MEOX2: variants seen among roughly 807,000 people sequenced by gnomAD.
The protein encoded by MEOX2 is homeobox protein MOX-2.
In MEOX2, 11 loss-of-function variants were observed where a neutral mutation model predicts 27.0. That is an observed-to-expected ratio of 0.41 (90% CI 0.26 to 0.68). MEOX2 has a LOEUF of 0.68. MEOX2 is among the 30% of genes least tolerant of loss of function. The pLI is 0.33. For synonymous variants in MEOX2, 189 were observed against 155.4 expected (o/e 1.22, Z -1.61); for missense variants, 436 against 385.4 (o/e 1.13, Z -1.10).
intron 1 of MEOX2, among the ~76,000 whole-genome samples, chr7:15,630,431 T>C (rs1781383119): frequency 6.6e-6 from 1 of 152,074 alleles, no homozygotes; most frequent in Non-Finnish European, 1.5e-5. Context: ...AGAGTGCTAT[T>C]TAGCAAAAGA....
intron 1 of MEOX2, among the ~76,000 whole-genome samples, chr7:15,667,789 GAAAGTTTTTAC>G (rs1305018682): frequency 2.0e-5 from 3 of 152,162 alleles, no homozygotes; most frequent in African/African-American, 7.2e-5. Flanking sequence ...TGTAAAAGGA[GAAAGTTTTTAC>G]AAGGTATTAG....
At chr7:15,664,870 C>T (rs1781974724) in intron 1 of MEOX2, among the ~76,000 whole-genome samples, 1 of 152,272 alleles carries the variant, frequency 6.6e-6, no homozygotes. Flanking sequence ...CCCACCACTC[C>T]TTCTGTTGCA....
chr7:15,651,906 T>A (rs1335622234), intron 1 of MEOX2, among the ~76,000 whole-genome samples: 1 of 152,036 alleles, frequency 6.6e-6, no homozygotes, highest in African/African-American at 2.4e-5. Flanking sequence ...CTGACATGAT[T>A]ACTTAGTAAT....
At chr7:15,671,660 G>C (rs1361720679) in intron 1 of MEOX2, among the ~76,000 whole-genome samples, 2 of 152,128 alleles carry the variant, frequency 1.3e-5, no homozygotes, top group African/African-American at 2.4e-5. Flanking sequence ...TGGTTAACCA[G>C]TCATACTCAA....
intron 2 of MEOX2, among the ~76,000 whole-genome samples, chr7:15,618,244 AT>A (rs906407275): frequency 1.3e-5 from 2 of 152,094 alleles, no homozygotes; most frequent in African/African-American, 4.8e-5. Flanking sequence ...GAGATAAAAA[AT>A]AGACACACCT....
At chr7:15,636,561 A>G (rs1781481008) in intron 1 of MEOX2, among the ~76,000 whole-genome samples, 1 of 152,042 alleles carries the variant, frequency 6.6e-6, no homozygotes, top group Non-Finnish European at 1.5e-5. Flanking sequence ...TCTGCATTAT[A>G]ATCAAATTGT....
intron 2 of MEOX2, among the ~76,000 whole-genome samples, chr7:15,619,539 A>T (rs1245440399): frequency 6.6e-6 from 1 of 152,030 alleles, no homozygotes; most frequent in Non-Finnish European, 1.5e-5. Context: ...CAAGAATCAG[A>T]GGAGCAAATT....
chr7:15,655,590 A>G (rs527868350), intron 1 of MEOX2, among the ~76,000 whole-genome samples: 1 of 151,746 alleles, frequency 6.6e-6, no homozygotes, highest in Non-Finnish European at 1.5e-5. Flanking sequence ...TTGCAGATCA[A>G]TGTATTTTTT....
chr7:15,648,352 C>T (rs2115375256), intron 1 of MEOX2, among the ~76,000 whole-genome samples: 2 of 152,042 alleles, frequency 1.3e-5, no homozygotes, highest in East Asian at 3.9e-4. Flanking sequence ...AAAATTGTAA[C>T]CAACTATACA....
rs1224204206 is a variant in MEOX2 at position 15,665,405 on chromosome 7, T to C, written c.517+20481A>G. ...GAATTCAAGTAAGATGTCTGTTATT[T>C]AGAAAGAGAATACAAGAAAACCCTG... On this transcript the variant is annotated intron_variant, in intron 1 of 2. Transcript: ENST00000262041. Among the ~76,000 whole-genome samples the C allele has an allele frequency of 3.3e-5, 5 of 152,314 alleles. No homozygotes were observed. In the East Asian group the frequency reaches 5.8e-4, roughly 18 times the overall value.
At chr7:15,644,191 T>C (rs909335362) in intron 1 of MEOX2, among the ~76,000 whole-genome samples, 2 of 151,984 alleles carry the variant, frequency 1.3e-5, no homozygotes, top group African/African-American at 4.8e-5. Flanking sequence ...GAGTCACATT[T>C]TCATTGTAGC....
intron 2 of MEOX2, among the ~76,000 whole-genome samples, chr7:15,622,333 T>G (rs1781234069): frequency 2.0e-5 from 3 of 152,100 alleles, no homozygotes; most frequent in African/African-American, 7.2e-5. Flanking sequence ...ACACATAAAA[T>G]GAGCCTATGA....
intron 1 of MEOX2, among the ~76,000 whole-genome samples, chr7:15,671,714 A>T (rs1782100175): frequency 6.6e-6 from 1 of 152,188 alleles, no homozygotes; most frequent in Non-Finnish European, 1.5e-5. Context: ...AATCAGTATC[A>T]TTGTATCAAG....
At chr7:15,638,066 T>C (rs1019042625) in intron 1 of MEOX2, among the ~76,000 whole-genome samples, 1 of 152,214 alleles carries the variant, frequency 6.6e-6, no homozygotes, top group East Asian at 1.9e-4. Flanking sequence ...TAACATTTAG[T>C]GAAATACACC....
chr7:15,613,324 A>G lies in MEOX2; in HGVS notation c.691-713T>C, dbSNP rs190881793. ...GCTTTGTACAGGTATTTTCTTTTTA[A>G]AAGCTTCATTGAATTTGCCTAATAC... On this transcript the variant is annotated intron_variant, in intron 2 of 2. Transcript: ENST00000262041. 3.5e-4 allele frequency among the ~76,000 whole-genome samples: 53 copies of G among 151,774 alleles called. 1 individual carries two copies. Among genetic ancestry groups the G allele is most frequent in the Admixed American group, 7.2e-4 (11 of 15,256 alleles).
intron 1 of MEOX2, among the ~76,000 whole-genome samples, chr7:15,631,727 G>T (rs1258726398): frequency 6.6e-6 from 1 of 151,690 alleles, no homozygotes; most frequent in Non-Finnish European, 1.5e-5. Context: ...TATAATTTAT[G>T]CTGTACAAAG....
At position 15,625,240 on chromosome 7, in the gene MEOX2, G is replaced by A. The variant is rs115794576; in HGVS notation, c.690+1506C>T. Among the ~76,000 whole-genome samples the A allele has an allele frequency of 2.7e-3, 417 of 151,948 alleles. 3 individuals are homozygous for A. Among genetic ancestry groups the A allele is most frequent in the African/African-American group, 9.5e-3 (395 of 41,454 alleles). On this transcript the variant is annotated intron_variant, in intron 2 of 2. Transcript: ENST00000262041. ...CTCCACATACACCTTTTTATTTTCC[G>A]TTCCCTGTTTAAAAAAAATAATAAA...
chr7:15,614,815 T>C (rs1048518927), intron 2 of MEOX2, among the ~76,000 whole-genome samples: 2 of 152,148 alleles, frequency 1.3e-5, no homozygotes, highest in African/African-American at 2.4e-5. Context: ...TTTCTGTAAA[T>C]AGTGCTATGG....
chr7:15,613,482 A>C (rs895001365), intron 2 of MEOX2, among the ~76,000 whole-genome samples: 2 of 151,902 alleles, frequency 1.3e-5, no homozygotes. Flanking sequence ...TTAGGAGGAA[A>C]TCTGTTTCTT....
Sources: gnomAD v4.1 joint callset for allele counts (sites outside exome capture counted in the v4.1 genomes callset) on GRCh38, gnomAD v4.1.1 for gene constraint, MANE v1.5 for transcripts, NCBI Gene and HGNC (gene_info 2026-07-23, HGNC 2026-07-21) for gene names.